The following CTNNA2 variants were observed in gnomAD, a reference collection of about 807,000 sequenced individuals.
CTNNA2 encodes the protein catenin alpha-2.
CTNNA2 carries 42 observed loss-of-function variants against 101.0 expected under a neutral mutation model. The ratio of observed to expected loss-of-function variants is 0.42; its 90% confidence interval spans 0.32 to 0.54. The LOEUF is 0.54. CTNNA2 is among the 20% of genes least tolerant of loss of function. The pLI is 0.14. For missense variants in CTNNA2, 871 were observed against 1,223.1 expected (o/e 0.71, Z 4.29); for synonymous variants, 450 against 456.4 (o/e 0.99, Z 0.18).
intron 4 of CTNNA2, among the ~76,000 whole-genome samples, chr2:79,470,925 T>G (rs1670992423): frequency 6.6e-6 from 1 of 152,206 alleles, no homozygotes; most frequent in African/African-American, 2.4e-5. Context: ...TCTTAATGTC[T>G]CTTCATGAAA....
At chr2:80,437,152 G>A (rs1682112215) in intron 9 of CTNNA2, among the ~76,000 whole-genome samples, 2 of 152,172 alleles carry the variant, frequency 1.3e-5, no homozygotes, top group South Asian at 4.1e-4. Flanking sequence ...CCTTGATCTT[G>A]GACTTTGCAG....
At chr2:79,613,095 A>G (rs891567568) in intron 1 of CTNNA2, among the ~76,000 whole-genome samples, 5 of 151,736 alleles carry the variant, frequency 3.3e-5, no homozygotes, top group Admixed American at 3.3e-4. Context: ...GTAATGCTTG[A>G]CTTGGCCACC....
intron 7 of CTNNA2, among the ~76,000 whole-genome samples, chr2:79,948,750 C>T (rs927940180): frequency 6.6e-6 from 1 of 152,114 alleles, no homozygotes; most frequent in African/African-American, 2.4e-5. Context: ...GGGCGGATCA[C>T]GAGGCCAGGA....
At chr2:80,212,739 A>T (rs1381193819) in intron 7 of CTNNA2, among the ~76,000 whole-genome samples, 2 of 152,168 alleles carry the variant, frequency 1.3e-5, no homozygotes, top group Non-Finnish European at 2.9e-5. Context: ...TCATAGAATG[A>T]GTTAGGCAGG....
chr2:79,302,783 T>C lies in CTNNA2; in HGVS notation c.-405-9926T>C, dbSNP rs79906082. 2.6e-3 allele frequency among the ~76,000 whole-genome samples: 397 copies of C among 152,308 alleles called. 9 individuals are homozygous for C. The East Asian group carries it at 0.063, about 24-fold the overall frequency. ...TTGCATAAATAGCTATCATTTCAAA[T>C]TTTTCAACAACCATAATAATAAAAT... On this transcript the variant is annotated intron_variant, in intron 2 of 21. Coordinates refer to the CTNNA2 transcript ENST00000466387.
At chr2:79,662,287 G>A (rs968127689) in intron 2 of CTNNA2, among the ~76,000 whole-genome samples, 1 of 151,804 alleles carries the variant, frequency 6.6e-6, no homozygotes, top group Non-Finnish European at 1.5e-5. Context: ...TCTGTTTTGC[G>A]ATAAAATCAA....
At chr2:80,522,321 T>C (rs557916471) in intron 9 of CTNNA2, among the ~76,000 whole-genome samples, 1 of 152,270 alleles carries the variant, frequency 6.6e-6, no homozygotes, top group East Asian at 1.9e-4. Flanking sequence ...ATGGGAGCTG[T>C]GATGTGTTTG....
intron 9 of CTNNA2, among the ~76,000 whole-genome samples, chr2:80,471,789 C>T (rs566915278): frequency 2.8e-4 from 42 of 150,620 alleles, no homozygotes; most frequent in East Asian, 6.0e-4. Flanking sequence ...TGTCTGTTGG[C>T]GGGAAAGTGG....
intron 7 of CTNNA2, among the ~76,000 whole-genome samples, chr2:80,146,920 T>TTTTTGTA (rs1377697019): frequency 6.9e-6 from 1 of 145,878 alleles, no homozygotes; most frequent in African/African-American, 2.5e-5. Context: ...GCCCTGCTAA[T>TTTTTGTA]TTTTGTATTT....
intron 7 of CTNNA2, among the ~76,000 whole-genome samples, chr2:80,146,193 C>T (rs1408274544): frequency 1.3e-5 from 2 of 152,198 alleles, no homozygotes; most frequent in Non-Finnish European, 2.9e-5. Context: ...GGAGGTGAGA[C>T]TATTTTGAAT....
intron 2 of CTNNA2, among the ~76,000 whole-genome samples, chr2:79,669,951 G>A (rs1450226851): frequency 6.6e-6 from 1 of 152,202 alleles, no homozygotes; most frequent in Non-Finnish European, 1.5e-5. Flanking sequence ...TGGCCTGTGG[G>A]TGGGGCCTTA....
At chr2:80,271,782 G>C (rs1388273770) in intron 7 of CTNNA2, among the ~76,000 whole-genome samples, 1 of 152,186 alleles carries the variant, frequency 6.6e-6, no homozygotes, top group Non-Finnish European at 1.5e-5. Flanking sequence ...TCAGAGGGCT[G>C]CCTCTAGTGA....
intron 9 of CTNNA2, among the ~76,000 whole-genome samples, chr2:80,441,425 T>C (rs1270280041): frequency 6.6e-6 from 1 of 152,212 alleles, no homozygotes; most frequent in Non-Finnish European, 1.5e-5. Context: ...GGTCAACATA[T>C]GACAGTTTTG....
chr2:79,612,362 T>C (rs958269968), intron 1 of CTNNA2, among the ~76,000 whole-genome samples: 1 of 152,200 alleles, frequency 6.6e-6, no homozygotes, highest in Non-Finnish European at 1.5e-5. Flanking sequence ...CAACAGTTTC[T>C]AAATCAAAAT....
chr2:80,162,762 G>T, intron 7 of CTNNA2: 2 of 1,599,104 alleles, frequency 1.3e-6, no homozygotes, highest in Admixed American at 3.3e-5. Context: ...CAGAGGTGAA[G>T]AAGCAAATTT....
intron 4 of CTNNA2, among the ~76,000 whole-genome samples, chr2:79,862,789 G>C (rs1681720822): frequency 6.6e-6 from 1 of 152,174 alleles, no homozygotes; most frequent in Non-Finnish European, 1.5e-5. Flanking sequence ...TGCATGTTAG[G>C]AAAGGGTGCA....
At chr2:79,253,234 G>C (rs1032807599) in intron 2 of CTNNA2, among the ~76,000 whole-genome samples, 5 of 152,142 alleles carry the variant, frequency 3.3e-5, no homozygotes, top group African/African-American at 1.2e-4. Flanking sequence ...TTCTGCTCCT[G>C]GGCTTGGACT....
At chr2:80,512,212 A>T (rs1222182142) in intron 9 of CTNNA2, among the ~76,000 whole-genome samples, 2 of 150,792 alleles carry the variant, frequency 1.3e-5, no homozygotes, top group African/African-American at 4.9e-5. Flanking sequence ...TTTGCTCTGG[A>T]TTTAATTCTC....
intron 7 of CTNNA2, among the ~76,000 whole-genome samples, chr2:80,356,914 T>C (rs1007458429): frequency 6.6e-6 from 1 of 152,208 alleles, no homozygotes; most frequent in Non-Finnish European, 1.5e-5. Context: ...GCAAGTGCTA[T>C]GGATCTCCTC....
Sources: allele counts gnomAD v4.1 joint callset (sites outside exome capture counted in the v4.1 genomes callset), GRCh38; gene constraint gnomAD v4.1.1; transcripts MANE v1.5; gene names NCBI Gene and HGNC (gene_info 2026-07-23, HGNC 2026-07-21).